ATP2A1: variants seen among roughly 807,000 people sequenced by gnomAD.
ATP2A1 encodes the protein sarcoplasmic/endoplasmic reticulum calcium ATPase 1.
Under a neutral mutation model 109.5 loss-of-function variants are expected in ATP2A1, and 83 were observed. That is an observed-to-expected ratio of 0.76 (90% CI 0.63 to 0.91). The LOEUF (loss-of-function observed/expected upper bound fraction) is 0.91, where lower values mean the gene tolerates loss of function less well. ATP2A1 is among the 40% of genes least tolerant of loss of function. ATP2A1 has a pLI of 0.00. For missense variants in ATP2A1, 1,101 were observed against 1,341.0 expected, an observed-to-expected ratio of 0.82 and a Z score of 2.80; for synonymous variants, 505 against 537.6, an observed-to-expected ratio of 0.94 and a Z score of 0.84.
rs1396130796 is a variant in ATP2A1 at position 28,883,394 on chromosome 16, G to C, written c.463+805G>C. Among the ~76,000 whole-genome samples, 1 of 152,212 alleles carries C rather than the reference G, an allele frequency of 6.6e-6. No individual in the cohort carries two copies. The highest frequency in any genetic ancestry group is 1.5e-5 in the Non-Finnish European group (1 of 68,026). The stretch of plus-strand genomic sequence containing the variant: ...GCAGCCTTGCCGCCGTGACAGCATG[G>C]AGTCAGCGCCATGAATGTCTATAAA... On this transcript the variant is annotated intron_variant, in intron 5 of 22. Transcript: ENST00000395503. The surrounding 1 kb of genome is among the most constrained non-coding windows in gnomAD (Gnocchi z 5.2).
At position 28,884,111 on chromosome 16, in the gene ATP2A1, CCT is replaced by C. The variant is rs573739343; in HGVS notation, c.464-463_464-462del. Among the ~76,000 whole-genome samples, 36 of 152,268 alleles carry C rather than the reference CCT, an allele frequency of 2.4e-4. No homozygotes were observed. The South Asian group carries it at 6.4e-3, about 27-fold the overall frequency. On this transcript the variant is annotated intron_variant, in intron 5 of 22. Coordinates refer to ENST00000395503, the MANE Select transcript of ATP2A1 (RefSeq NM_004320.6). Reference sequence around the variant, plus strand: ...CCGACACCCCTTCTCTCTAATGCACCCTGTTTTCCCTGAGTTCTTTCCTTGCC... The same window carrying C: ...CCGACACCCCTTCTCTCTAATGCACCGTTTTCCCTGAGTTCTTTCCTTGCC...
At chr16:28,891,360 C>T (rs949388395) in intron 9 of ATP2A1, among the ~76,000 whole-genome samples, 4 of 151,652 alleles carry the variant, frequency 2.6e-5, no homozygotes, top group Non-Finnish European at 4.4e-5. Context: ...TTTGGGAGGC[C>T]GAGGTGAGCA....
intron 9 of ATP2A1, among the ~76,000 whole-genome samples, 200 bp from the exon 10 acceptor site, chr16:28,893,955 T>C (rs1194407791): frequency 1.3e-5 from 2 of 151,916 alleles, no homozygotes; most frequent in South Asian, 2.1e-4. Context: ...TCAGTAACTA[T>C]TGTTTTAAGG....
rs773475833 is a variant in ATP2A1 at position 28,894,872 on chromosome 16, C to T, written c.1338C>T (p.Thr446=). 12 of 1,612,344 alleles carry T rather than the reference C, an allele frequency of 7.4e-6. No individual in the cohort carries two copies. Among genetic ancestry groups the T allele is most frequent in the African/African-American group, 1.3e-5 (1 of 75,048 alleles). Residue 446 remains threonine (T), a synonymous_variant, in exon 12 of 23, where the codon ACC becomes ACT. Coordinates refer to ENST00000395503, the MANE Select transcript of ATP2A1 (RefSeq NM_004320.6). The part of the protein sequence containing the change: ...KVGEATETAL[T]TLVEKMNVFN... ...GCGAGGCCACCGAGACAGCACTCAC[C>T]ACCCTGGTGGAGAAGATGAATGTGT...
rs745932615 is a variant in ATP2A1, at chr16:28,898,003, A to T, written c.1423A>T (p.Ile475Phe). Residue 475 changes from isoleucine (I) to phenylalanine (F), a missense_variant, in exon 13 of 23, where the codon ATC (isoleucine) becomes TTC (phenylalanine). Physicochemically the swap from Ile to Phe is conservative, Grantham distance 21. Coordinates refer to ENST00000395503, the MANE Select transcript of ATP2A1 (RefSeq NM_004320.6). This position sits in a 1 kb window ranked among gnomAD's most constrained non-coding sequence, Gnocchi z 4.0. ...VERANACNSV[I>F]RQLMKKEFTL... ...CCCCTCCCTGTCTCCTCTCCAGGTG[A>T]TCCGCCAGCTAATGAAGAAGGAATT... The T allele has an allele frequency of 7.4e-6, 12 of 1,614,070 alleles. No individual in the cohort carries two copies. Among genetic ancestry groups the T allele is most frequent in the Non-Finnish European group, 1.0e-5 (12 of 1,180,012 alleles).
chr16:28,902,875 T>C lies in ATP2A1; in HGVS notation c.2708T>C (p.Val903Ala). 1 of 1,614,012 alleles carries C rather than the reference T, an allele frequency of 6.2e-7. No homozygotes were observed. Among genetic ancestry groups the C allele is most frequent in the East Asian group, 2.2e-5 (1 of 44,864 alleles). Residue 903 changes from valine to alanine, a missense_variant, in exon 19 of 23, where the codon GTG becomes GCG. Transcript: ENST00000395503. The surrounding 1 kb of genome is among the most constrained non-coding windows in gnomAD (Gnocchi z 4.8). Reference sequence around the variant, plus strand: ...GAGCCCATGACCATGGCCCTGTCCGTGCTGGTGACCATCGAGATGTGCAAT... The same window carrying C: ...GAGCCCATGACCATGGCCCTGTCCGCGCTGGTGACCATCGAGATGTGCAAT... ...APEPMTMALSVLVTIEMCNAL... is the reference protein window; with the variant it reads ...APEPMTMALSALVTIEMCNAL...
intron 6 of ATP2A1, among the ~76,000 whole-genome samples, chr16:28,886,639 G>T (rs1963618569): frequency 6.6e-6 from 1 of 151,974 alleles, no homozygotes; most frequent in Non-Finnish European, 1.5e-5. Context: ...TGGAAGTTAG[G>T]TGATCAAACA....
At chr16:28,894,647 G>A in intron 11 of ATP2A1, 40 bp downstream of exon 11, 1 of 1,609,488 alleles carries the variant, frequency 6.2e-7, no homozygotes, top group Non-Finnish European at 8.5e-7. Flanking sequence ...CAGAGTCTGG[G>A]CCTCCTCCGA....
Position 28,903,429 on chromosome 16 carries a change from A to T in ATP2A1, c.2969A>T (p.Asn990Ile). ...GAAATCCTCAAGTTCGTTGCTCGGA[A>T]CTACCTAGAGGGTAAGGAGTGCCCT... ...LDEILKFVAR[N>I]YLEG is the part of the protein sequence containing the mutation. The change falls in exon 21 of 23, where the codon AAC becomes ATC. Residue 990 changes from asparagine (N) to isoleucine (I), a missense_variant. Physicochemically the swap from Asn to Ile is moderately radical, Grantham distance 149 (BLOSUM62 -3). Coordinates refer to ENST00000395503, the MANE Select transcript of ATP2A1 (RefSeq NM_004320.6). This position sits in a 1 kb window ranked among gnomAD's most constrained non-coding sequence, Gnocchi z 5.6. 7 of 1,613,558 alleles carry T rather than the reference A, an allele frequency of 4.3e-6. No individual in the cohort carries two copies. Among genetic ancestry groups the T allele is most frequent in the South Asian group, 2.2e-5 (2 of 91,080 alleles).
rs747202076 is a variant in ATP2A1, at chr16:28,903,042, C to A, written c.2757C>A (p.Asn919Lys). 1.9e-6 allele frequency: 3 copies of A among 1,613,918 alleles called. No individual in the cohort carries two copies. Among genetic ancestry groups the A allele is most frequent in the South Asian group, 1.1e-5 (1 of 91,080 alleles). ...TTCCCCTCTGCAGCCTGTCCGAGAA[C>A]CAGTCCCTGCTGCGGATGCCACCCT... ...MCNALNSLSE[N>K]QSLLRMPPWV... Residue 919 changes from asparagine (N) to lysine (K), a missense_variant, in exon 20 of 23, where the codon AAC becomes AAA. Physicochemically the swap from Asn to Lys is moderately conservative, Grantham distance 94 (BLOSUM62 0). Transcript: ENST00000395503. The surrounding 1 kb of genome is among the most constrained non-coding windows in gnomAD (Gnocchi z 5.6).
At chr16:28,887,912 T>A (rs1963659702) in intron 8 of ATP2A1, among the ~76,000 whole-genome samples, 190 bp downstream of exon 8, 1 of 152,244 alleles carries the variant, frequency 6.6e-6, no homozygotes, top group African/African-American at 2.4e-5. Flanking sequence ...GCCATTCTCC[T>A]GCCTCAGCCT....
intron 4 of ATP2A1, chr16:28,881,342 T>C: frequency 2.4e-6 from 1 of 419,630 alleles, no homozygotes; most frequent in Non-Finnish European, 4.5e-6. Flanking sequence ...CAATAGACGC[T>C]AGCTTGATTT....
intron 1 of ATP2A1, 155 bp downstream of exon 1, chr16:28,878,944 C>G (rs1963360904): frequency 2.2e-6 from 3 of 1,341,776 alleles, no homozygotes; most frequent in Non-Finnish European, 3.2e-6. Context: ...ACTGAGAAAA[C>G]AGAGTCCCGA....
chr16:28,887,726 TG>T lies in ATP2A1; in HGVS notation c.928+5del. 1 of 1,613,806 alleles carries T rather than the reference TG, an allele frequency of 6.2e-7. No individual in the cohort carries two copies. The highest frequency in any genetic ancestry group is 8.5e-7 in the Non-Finnish European group (1 of 1,179,996). ...GCTGTGGCTGCCATCCCCGAAGGTA[TG>T]AAAGCCTTTCTTTTCTCCTCCCATT... On this transcript the variant is annotated splice_donor_5th_base_variant and intron_variant, in intron 8 of 22. Transcript: ENST00000395503.
rs1448244792 is a variant in ATP2A1, at chr16:28,883,426, G to A, written c.463+837G>A. Among the ~76,000 whole-genome samples, 1 of 152,164 alleles carries A rather than the reference G, an allele frequency of 6.6e-6. No individual in the cohort carries two copies. The highest frequency in any genetic ancestry group is 1.5e-5 in the Non-Finnish European group (1 of 68,020). Reference sequence around the variant, plus strand: ...CGCCATGAATGTCTATAAATATCACGCGGGCTTGGGTGACAGGGTGTCCCG... The same window carrying A: ...CGCCATGAATGTCTATAAATATCACACGGGCTTGGGTGACAGGGTGTCCCG... On this transcript the variant is annotated intron_variant, in intron 5 of 22. Transcript: ENST00000395503. This position sits in a 1 kb window ranked among gnomAD's most constrained non-coding sequence, Gnocchi z 5.2.
chr16:28,903,161 C>T lies in ATP2A1; in HGVS notation c.2862+14C>T, dbSNP rs556423397. ...GACCCCCTGCCGGTGAGGTTTCTTC[C>T]GCCCAGGGCCGCCCACCCCAGCACT... is the stretch of plus-strand genomic sequence containing the variant. On this transcript the variant is annotated intron_variant, in intron 20 of 22. Coordinates refer to ENST00000395503, the MANE Select transcript of ATP2A1 (RefSeq NM_004320.6). This position sits in a 1 kb window ranked among gnomAD's most constrained non-coding sequence, Gnocchi z 5.6. 34 of 1,611,960 alleles carry T rather than the reference C, an allele frequency of 2.1e-5. No homozygotes were observed. The highest frequency in any genetic ancestry group is 3.3e-4 in the Middle Eastern group (2 of 6,080).
intron 6 of ATP2A1, among the ~76,000 whole-genome samples, chr16:28,885,743 C>T (rs145161164): frequency 7.7e-4 from 117 of 152,142 alleles, no homozygotes; most frequent in Non-Finnish European, 1.4e-3. Flanking sequence ...ACCAGCCCAC[C>T]CCTTCCACAT....
At position 28,878,606 on chromosome 16, in the gene ATP2A1, G is replaced by T. The variant is rs777949107; in HGVS notation, c.-66G>T. 2.3e-6 allele frequency: 3 copies of T among 1,331,266 alleles called. No individual in the cohort carries two copies. Among genetic ancestry groups the T allele is most frequent in the African/African-American group, 1.5e-5 (1 of 68,674 alleles). 82.5% of individuals were successfully genotyped at this position (1,331,266 alleles called of 1,614,324 possible). On this transcript the variant is annotated 5_prime_UTR_variant, in exon 1 of 23. Coordinates refer to ENST00000395503, the MANE Select transcript of ATP2A1 (RefSeq NM_004320.6). ...ACAGGCAGTTGGACACACTGAGGAA[G>T]ACCCCCCACGAGTGGGAACCCCCTG...
Position 28,883,711 on chromosome 16 carries a change from G to A in ATP2A1, c.464-864G>A, listed in dbSNP as rs2152201162. On this transcript the variant is annotated intron_variant, in intron 5 of 22. Transcript: ENST00000395503. This position sits in a 1 kb window ranked among gnomAD's most constrained non-coding sequence, Gnocchi z 5.2. The stretch of plus-strand genomic sequence containing the variant: ...GCCAGCCCACCTGTGCGTCTCCCTG[G>A]CCTCACCTCCACCCATTCACTCTCC... Among the ~76,000 whole-genome samples the A allele has an allele frequency of 6.6e-6, 1 of 152,020 alleles. No individual in the cohort carries two copies. The highest frequency in any genetic ancestry group is 1.9e-4 in the East Asian group (1 of 5,164).
Sources: gnomAD v4.1 joint callset for allele counts (sites outside exome capture counted in the v4.1 genomes callset) on GRCh38, gnomAD v4.1.1 for gene constraint, Gnocchi (gnomAD v3.1) non-coding constraint, MANE v1.5 for transcripts, NCBI Gene and HGNC (gene_info 2026-07-23, HGNC 2026-07-21) for gene names.